GFER: variants seen among roughly 807,000 people sequenced by gnomAD.
GFER encodes the protein FAD-linked sulfhydryl oxidase ALR.
A neutral mutation model predicts 18.2 loss-of-function variants in GFER; 24 were observed. That is an observed-to-expected ratio of 1.32 (90% confidence interval 0.96 to 1.86). The LOEUF is 1.86. GFER is among the 40% of genes most tolerant of loss of function. The pLI is 0.00. For missense variants in GFER, 316 were observed against 295.6 expected (o/e 1.07, Z -0.51); for synonymous variants, 138 against 126.9 (o/e 1.09, Z -0.59).
Position 1,984,423 on chromosome 16 carries a change from CGGCCGTGCCG to C in GFER, c.210_219del (p.Cys71AlafsTer76). On this transcript the variant is annotated frameshift_variant, in exon 1 of 3. Coordinates refer to ENST00000248114, the MANE Select transcript of GFER (RefSeq NM_005262.3). LOFTEE classifies it high-confidence loss of function. ...TGTCGCCGAGGACGCCTCCCGGAGGCGGCCGTGCCGGGCCTGCGTCGACTTCAAGACGTGG... is the reference window on the plus strand; with the variant it reads ...TGTCGCCGAGGACGCCTCCCGGAGGCGGCCTGCGTCGACTTCAAGACGTGG... 2 of 1,544,470 alleles carry C rather than the reference CGGCCGTGCCG, an allele frequency of 1.3e-6. No homozygotes were observed. Among genetic ancestry groups the C allele is most frequent in the Non-Finnish European group, 1.7e-6 (2 of 1,148,842 alleles).
In GFER at chr16:1,986,177, C is replaced by G; in HGVS notation, c.*149C>G. The G allele has an allele frequency of 6.1e-6, 5 of 823,298 alleles. No homozygotes were observed. Among genetic ancestry groups the G allele is most frequent in the Non-Finnish European group, 1.0e-5 (5 of 498,576 alleles). 51.0% of individuals were successfully genotyped at this position (823,298 alleles called of 1,614,324 possible). On this transcript the variant is annotated 3_prime_UTR_variant, in exon 3 of 3. Coordinates refer to ENST00000248114, the MANE Select transcript of GFER (RefSeq NM_005262.3). ...GCCTGTGGGGACCTGCCCTGCCCCT[C>G]TTAGGTTTGGAGCAGAAGTGGAGGT...
At chr16:1,985,077 A>G in intron 2 of GFER, 134 bp downstream of exon 2, 1 of 728,450 alleles carries the variant, frequency 1.4e-6, no homozygotes, top group Non-Finnish European at 2.4e-6. Flanking sequence ...GGGACCTCCA[A>G]CAGGTGAGGA....
chr16:1,984,333 G>T lies in GFER; in HGVS notation c.115G>T (p.Ala39Ser). The change falls in exon 1 of 3, where the codon GCG (alanine) becomes TCG (serine). Residue 39 changes from alanine (A) to serine (S), a missense_variant. Coordinates refer to ENST00000248114, the MANE Select transcript of GFER (RefSeq NM_005262.3). ...GGCGACCGACGCGCGGGGCCGGGGC[G>T]CGGGGCGGAGAGACGCGGCCGCCTC... ...DLATDARGRG[A>S]GRRDAAASAS... is the part of the protein sequence containing the mutation. 6.7e-7 allele frequency: 1 copy of T among 1,487,586 alleles called. No individual in the cohort carries two copies. The highest frequency in any genetic ancestry group is 8.9e-7 in the Non-Finnish European group (1 of 1,126,982). The allele number at this position is 1,487,586 out of a possible 1,614,324, so 92.1% of individuals were successfully genotyped here.
Position 1,985,848 on chromosome 16 carries a change from C to T in GFER, c.456-18C>T, listed in dbSNP as rs745449861. Reference sequence around the variant, plus strand: ...AGCCGCTGCGTCCTCTCATTCTTTACCTGCTCTCCCTACACAGGCTGTGCA... The same window carrying T: ...AGCCGCTGCGTCCTCTCATTCTTTATCTGCTCTCCCTACACAGGCTGTGCA... On this transcript the variant is annotated intron_variant, in intron 2 of 2. Transcript: ENST00000248114. 5 of 1,609,336 alleles carry T rather than the reference C, an allele frequency of 3.1e-6. No individual in the cohort carries two copies. The highest frequency in any genetic ancestry group is 4.2e-6 in the Non-Finnish European group (5 of 1,178,882).
rs1294346547 is a variant in GFER, at chr16:1,985,856, C to A, written c.456-10C>A. 1 of 1,609,936 alleles carries A rather than the reference C, an allele frequency of 6.2e-7. No homozygotes were observed. Among genetic ancestry groups the A allele is most frequent in the East Asian group, 2.2e-5 (1 of 44,872 alleles). ...CGTCCTCTCATTCTTTACCTGCTCT[C>A]CCTACACAGGCTGTGCAGGAACCAC... On this transcript the variant is annotated splice_polypyrimidine_tract_variant and intron_variant, in intron 2 of 2. Coordinates refer to ENST00000248114, the MANE Select transcript of GFER (RefSeq NM_005262.3).
chr16:1,984,783 C>T lies in GFER; in HGVS notation c.295C>T (p.Arg99Cys), dbSNP rs2083554453. Residue 99 changes from arginine to cysteine, a missense_variant, in exon 2 of 3, where the codon CGC (arginine) becomes TGC (cysteine). By Grantham distance (180) the Arg-to-Cys change is radical. Coordinates refer to ENST00000248114, the MANE Select transcript of GFER (RefSeq NM_005262.3). ...GTTTAGGGAGGACTGCCCGCCGGAT[C>T]GCGAGGAACTGGGCCGCCACAGCTG... is the stretch of plus-strand genomic sequence containing the variant. ...TKFREDCPPDREELGRHSWAV... is the reference protein window; with the variant it reads ...TKFREDCPPDCEELGRHSWAV... The T allele has an allele frequency of 6.2e-7, 1 of 1,611,942 alleles. No homozygotes were observed. The highest frequency in any genetic ancestry group is 8.5e-7 in the Non-Finnish European group (1 of 1,179,968).
At position 1,986,223 on chromosome 16, in the gene GFER, G is replaced by T. The variant is rs2083566994; in HGVS notation, c.*195G>T. ...GAGGTGCCCACAGCAGGTACCCACT[G>T]GCCCCCTCCTCAGTGGAGACCCCAA... On this transcript the variant is annotated 3_prime_UTR_variant, in exon 3 of 3. Coordinates refer to ENST00000248114, the MANE Select transcript of GFER (RefSeq NM_005262.3). 2 of 643,342 alleles carry T rather than the reference G, an allele frequency of 3.1e-6. No individual in the cohort carries two copies. The highest frequency in any genetic ancestry group is 3.4e-5 in the South Asian group (2 of 58,924). 39.9% of individuals were successfully genotyped at this position (643,342 alleles called of 1,614,324 possible). A position where few individuals can be genotyped will look rare whatever the true frequency, so the allele number is the denominator to read the frequency against.
chr16:1,985,225 G>A (rs372556658), intron 2 of GFER, among the ~76,000 whole-genome samples: 4 of 152,246 alleles, frequency 2.6e-5, no homozygotes, highest in Non-Finnish European at 5.9e-5. Flanking sequence ...GCGGTTTCCC[G>A]CAAGTTAGGG....
chr16:1,986,090 C>G lies in GFER; in HGVS notation c.*62C>G, dbSNP rs143512788. On this transcript the variant is annotated 3_prime_UTR_variant, in exon 3 of 3. Transcript: ENST00000248114. ...GGCATGGTTGGATAGGGGCAGGGCA[C>G]TCATTAAAGTGCATCACAGCCAGAG... 34 of 1,531,812 alleles carry G rather than the reference C, an allele frequency of 2.2e-5. No individual in the cohort carries two copies. In the African/African-American group the frequency reaches 3.9e-4, roughly 18 times the overall value. The allele number at this position is 1,531,812 out of a possible 1,614,324, so 94.9% of individuals were successfully genotyped here.
At position 1,986,483 on chromosome 16, in the gene GFER, G is replaced by GT; in HGVS notation, c.*455_*456insT. 1.3e-5 allele frequency: 4 copies of GT among 304,010 alleles called. No homozygotes were observed. The highest frequency in any genetic ancestry group is 1.2e-4 in the South Asian group (4 of 33,876). 18.8% of individuals were successfully genotyped at this position (304,010 alleles called of 1,614,324 possible). ...TGGCTCTGTGCTGCTCACTTTAGGG[G>GT]GCTCAATTCTCCACTCTGCTCAGTC... On this transcript the variant is annotated 3_prime_UTR_variant, in exon 3 of 3. Coordinates refer to ENST00000248114, the MANE Select transcript of GFER (RefSeq NM_005262.3).
chr16:1,984,509 G>T (rs751075413), intron 1 of GFER, 33 bp downstream of exon 1: 237 of 1,548,138 alleles, frequency 1.5e-4, no homozygotes, highest in Non-Finnish European at 1.9e-4. Context: ...TCCCAGCCCC[G>T]CGCAGCCCCT....
chr16:1,985,295 C>A (rs72766612), intron 2 of GFER, among the ~76,000 whole-genome samples: 22,498 of 152,266 alleles, frequency 0.15, 2,124 homozygotes, highest in South Asian at 0.32. Context: ...CTTGGAAATC[C>A]ACTGCTTTTG....
chr16:1,984,438 T>C lies in GFER; in HGVS notation c.220T>C (p.Cys74Arg). The C allele has an allele frequency of 6.4e-7, 1 of 1,551,636 alleles. No individual in the cohort carries two copies. Among genetic ancestry groups the C allele is most frequent in the East Asian group, 2.4e-5 (1 of 41,666 alleles). ...CTCCCGGAGGCGGCCGTGCCGGGCC[T>C]GCGTCGACTTCAAGACGTGGATGCG... is the stretch of plus-strand genomic sequence containing the variant. ...DASRRRPCRA[C>R]VDFKTWMRTQ... The change falls in exon 1 of 3, where the codon TGC (cysteine) becomes CGC (arginine). Residue 74 changes from cysteine (C) to arginine (R), a missense_variant. By Grantham distance (180) the Cys-to-Arg change is radical. Coordinates refer to ENST00000248114, the MANE Select transcript of GFER (RefSeq NM_005262.3).
In GFER at chr16:1,986,387, T is replaced by C. The variant is rs1336328569; in HGVS notation, c.*359T>C. 6.5e-5 allele frequency: 24 copies of C among 366,742 alleles called. No homozygotes were observed. Among genetic ancestry groups the C allele is most frequent in the Non-Finnish European group, 1.3e-4 (24 of 188,002 alleles). The allele number at this position is 366,742 out of a possible 1,614,324, so 22.7% of individuals were successfully genotyped here. A position where few individuals can be genotyped will look rare whatever the true frequency, so the allele number is the denominator to read the frequency against. ...GGAAGACAGCGGGCCTGGCTGGGCA[T>C]CCCTGTGCCTGTCCCTGGCGGCCAG... On this transcript the variant is annotated 3_prime_UTR_variant, in exon 3 of 3. Transcript: ENST00000248114.
In GFER at chr16:1,986,480, G is replaced by GC. The variant is rs1356973954; in HGVS notation, c.*452_*453insC. 3 of 267,188 alleles carry GC rather than the reference G, an allele frequency of 1.1e-5. No individual in the cohort carries two copies. The highest frequency in any genetic ancestry group is 2.3e-5 in the Non-Finnish European group (3 of 133,158). 16.6% of individuals were successfully genotyped at this position (267,188 alleles called of 1,614,324 possible). On this transcript the variant is annotated 3_prime_UTR_variant, in exon 3 of 3. Coordinates refer to ENST00000248114, the MANE Select transcript of GFER (RefSeq NM_005262.3). Reference sequence around the variant, plus strand: ...CCATGGCTCTGTGCTGCTCACTTTAGGGGGCTCAATTCTCCACTCTGCTCA... The same window carrying GC: ...CCATGGCTCTGTGCTGCTCACTTTAGCGGGGCTCAATTCTCCACTCTGCTCA...
Position 1,984,266 on chromosome 16 carries a change from C to T in GFER, c.48C>T (p.Phe16=), listed in dbSNP as rs1224192244. The T allele has an allele frequency of 2.0e-6, 3 of 1,480,444 alleles. No homozygotes were observed. The highest frequency in any genetic ancestry group is 2.7e-6 in the Non-Finnish European group (3 of 1,122,798). 91.7% of individuals were successfully genotyped at this position (1,480,444 alleles called of 1,614,324 possible). Residue 16 remains phenylalanine, a synonymous_variant, in exon 1 of 3, where the codon TTC becomes TTT. Transcript: ENST00000248114. ...GCCGCTTCCACGGCGGGAACCTCTT[C>T]TTCCTGCCGGGGGGCGCGCGCTCCG... ...ERGRFHGGNL[F]FLPGGARSEM... is the part of the protein sequence containing the mutation.
In GFER at chr16:1,987,701, G is replaced by A. The variant is rs1306460432; in HGVS notation, c.*1673G>A. 4.7e-5 allele frequency: 6 copies of A among 128,654 alleles called. No homozygotes were observed. The highest frequency in any genetic ancestry group is 2.9e-4 in the Admixed American group (3 of 10,256). 8.0% of individuals were successfully genotyped at this position (128,654 alleles called of 1,614,324 possible). ...CCCCCACCGCCTTCCCTTTTTCCCT[G>A]TCTTCCTTAAAGTTTCACTCCTGAA... On this transcript the variant is annotated 3_prime_UTR_variant, in exon 3 of 3. Coordinates refer to ENST00000248114, the MANE Select transcript of GFER (RefSeq NM_005262.3).
At chr16:1,984,683 G>T in intron 1 of GFER, 64 bp from the exon 2 acceptor site, 1 of 1,481,558 alleles carries the variant, frequency 6.7e-7, no homozygotes. Flanking sequence ...GGGCCGTACA[G>T]TGGGGAGCTT....
chr16:1,985,382 G>A (rs528897932), intron 2 of GFER, among the ~76,000 whole-genome samples: 9 of 152,376 alleles, frequency 5.9e-5, no homozygotes, highest in African/African-American at 1.9e-4. Flanking sequence ...TAGGCCAGAT[G>A]TATAGGGTAG....
Sources: allele counts gnomAD v4.1 joint callset (sites outside exome capture counted in the v4.1 genomes callset), GRCh38; gene constraint gnomAD v4.1.1; transcripts MANE v1.5; gene names NCBI Gene and HGNC (gene_info 2026-07-23, HGNC 2026-07-21).